MMP28: variants seen among roughly 807,000 people sequenced by gnomAD.
MMP28 encodes the protein matrix metallopeptidase 28, also known as matrix metalloproteinase-28.
MMP28 carries 55 observed loss-of-function variants against 60.5 expected under a neutral mutation model. The ratio of observed to expected loss-of-function variants is 0.91; its 90% CI spans 0.73 to 1.14. The LOEUF (loss-of-function observed/expected upper bound fraction) is 1.14, where lower values mean the gene tolerates loss of function less well. Ranked by LOEUF, MMP28 falls within the 50% of genes most tolerant of loss-of-function variation. The pLI is 0.00. For missense variants in MMP28, 686 were observed against 738.3 expected, an observed-to-expected ratio of 0.93 and a Z score of 0.82; for synonymous variants, 318 against 312.5, an observed-to-expected ratio of 1.02 and a Z score of -0.18.
In MMP28 at chr17:35,795,572, G is replaced by C. The variant is rs999377826; in HGVS notation, c.-195C>G. 3 of 395,834 alleles carry C rather than the reference G, an allele frequency of 7.6e-6. No homozygotes were observed. Among genetic ancestry groups the C allele is most frequent in the Non-Finnish European group, 1.3e-5 (3 of 226,316 alleles). The allele number at this position is 395,834 out of a possible 1,614,324, so 24.5% of individuals were successfully genotyped here. A position where few individuals can be genotyped will look rare whatever the true frequency, so the allele number is the denominator to read the frequency against. ...CCTCCGCTGCCCTTCGCCGGGAGCC[G>C]GCCAGACGTCGTCCAGCCCGGGCAG... On this transcript the variant is annotated 5_prime_UTR_variant, in exon 1 of 8. Transcript: ENST00000605424.
chr17:35,770,011 A>G (rs577670345), intron 5 of MMP28, 56 bp downstream of exon 5: 77 of 1,489,662 alleles, frequency 5.2e-5, no homozygotes, highest in Non-Finnish European at 6.8e-5. Context: ...GTTCAAGGAC[A>G]GGAGGCCTTG....
intron 2 of MMP28, among the ~76,000 whole-genome samples, chr17:35,756,759 C>T (rs952140069): frequency 2.0e-5 from 3 of 151,986 alleles, no homozygotes; most frequent in Non-Finnish European, 4.4e-5. Flanking sequence ...TGAGCCACTG[C>T]GCCCGGCCTA....
rs774249689 is a variant in MMP28, at chr17:35,766,753, C to A, written c.1310G>T (p.Arg437Leu). Reference sequence around the variant, plus strand: ...TCCCCCTCGGGCCAGCACGTAGTAGCGGGCACCCTTGAAGAGGATGAGGCG... The same window carrying A: ...TCCCCCTCGGGCCAGCACGTAGTAGAGGGCACCCTTGAAGAGGATGAGGCG... ...LRRLILFKGA[R>L]YYVLARGGLQ... Residue 437 changes from arginine to leucine, a missense_variant, in exon 8 of 8, where the codon CGC (arginine) becomes CTC (leucine). By Grantham distance (102) the Arg-to-Leu change is moderately radical. Transcript: ENST00000605424. This position sits in a 1 kb window ranked among gnomAD's most constrained non-coding sequence, Gnocchi z 4.3. 8 of 1,584,440 alleles carry A rather than the reference C, an allele frequency of 5.0e-6. No homozygotes were observed. Among genetic ancestry groups the A allele is most frequent in the Non-Finnish European group, 6.9e-6 (8 of 1,166,362 alleles).
chr17:35,761,097 G>A (rs2085808091), downstream of MMP28: 1 of 608,920 alleles, frequency 1.6e-6, no homozygotes, highest in Non-Finnish European at 2.5e-6. Flanking sequence ...TCGCCTTCCT[G>A]AATTTTTTTT....
At chr17:35,764,275 C>G (rs777220968), downstream of MMP28, 16 of 1,535,404 alleles carry the variant, frequency 1.0e-5, no homozygotes, top group Non-Finnish European at 1.4e-5. Flanking sequence ...GCTTCTGGGG[C>G]TGGCTCGGCC....
chr17:35,781,544 G>A (rs1480357219), intron 1 of MMP28, among the ~76,000 whole-genome samples: 1 of 152,176 alleles, frequency 6.6e-6, no homozygotes, highest in Non-Finnish European at 1.5e-5. Flanking sequence ...TGTTCTCTCA[G>A]TAATCAAGTT....
intron 4 of MMP28, among the ~76,000 whole-genome samples, chr17:35,771,214 C>G (rs57488240): frequency 6.6e-6 from 1 of 151,986 alleles, no homozygotes; most frequent in Non-Finnish European, 1.5e-5. Context: ...GGGTGGATCA[C>G]GAGGTCAAGA....
At chr17:35,767,150 T>C (rs985898205) in intron 7 of MMP28, 4 of 692,514 alleles carry the variant, frequency 5.8e-6, no homozygotes, top group South Asian at 3.0e-5. Context: ...GCCCAGAGCT[T>C]TCTCCACTGC....
chr17:35,763,778 T>C (rs1240855012), downstream of MMP28, among the ~76,000 whole-genome samples: 1 of 151,832 alleles, frequency 6.6e-6, no homozygotes, highest in Non-Finnish European at 1.5e-5. Context: ...GTGCCTGTAG[T>C]CCCAGCTACT....
chr17:35,790,060 C>CTTTTT (rs56405134), intron 1 of MMP28, among the ~76,000 whole-genome samples: 38 of 66,934 alleles, frequency 5.7e-4, no homozygotes, highest in African/African-American at 1.1e-3. Context: ...CCGCACCTGG[C>CTTTTT]TTTTTTTTTT....
Position 35,766,380 on chromosome 17 carries a change from C to T in MMP28, c.*120G>A, listed in dbSNP as rs1339969235. 4 of 1,425,170 alleles carry T rather than the reference C, an allele frequency of 2.8e-6. No homozygotes were observed. The highest frequency in any genetic ancestry group is 1.4e-5 in the African/African-American group (1 of 69,564). The allele number at this position is 1,425,170 out of a possible 1,614,324, so 88.3% of individuals were successfully genotyped here. ...AGGCAGACAGACTTCCAGATGGAGG[C>T]TTTGCTGCCCGGTCTTCTGCAGAGG... On this transcript the variant is annotated 3_prime_UTR_variant, in exon 8 of 8. Transcript: ENST00000605424. This position sits in a 1 kb window ranked among gnomAD's most constrained non-coding sequence, Gnocchi z 4.3.
chr17:35,790,266 T>C (rs1056264647), intron 1 of MMP28, among the ~76,000 whole-genome samples: 3 of 152,020 alleles, frequency 2.0e-5, no homozygotes, highest in Non-Finnish European at 1.5e-5. Flanking sequence ...GGTTTCACCA[T>C]GTTGGTCAGG....
intron 1 of MMP28, among the ~76,000 whole-genome samples, chr17:35,784,185 G>A (rs1555609990): frequency 6.6e-6 from 1 of 151,946 alleles, no homozygotes; most frequent in Admixed American, 6.6e-5. Flanking sequence ...GGGAGGCTGA[G>A]GCAGGAGAAT....
intron 1 of MMP28, among the ~76,000 whole-genome samples, chr17:35,795,046 C>A (rs2086927658): frequency 6.6e-6 from 1 of 152,250 alleles, no homozygotes; most frequent in African/African-American, 2.4e-5. Flanking sequence ...GTCTCTGCAC[C>A]CACCCCAGCC....
chr17:35,789,658 A>G (rs983854278), intron 1 of MMP28, among the ~76,000 whole-genome samples: 1 of 151,920 alleles, frequency 6.6e-6, no homozygotes, highest in Admixed American at 6.6e-5. Context: ...GTAATTTAGG[A>G]GTGTGTTGTT....
At chr17:35,762,817 A>G (rs2085847521), downstream of MMP28, among the ~76,000 whole-genome samples, 1 of 152,102 alleles carries the variant, frequency 6.6e-6, no homozygotes, top group Admixed American at 6.6e-5. Context: ...TATTCTGTAA[A>G]TAACCACCTA....
chr17:35,773,829 G>A (rs2086245147), intron 3 of MMP28, among the ~76,000 whole-genome samples: 2 of 152,196 alleles, frequency 1.3e-5, no homozygotes, highest in South Asian at 2.1e-4. Flanking sequence ...CAGTGTCAGA[G>A]TGGAGGAGAG....
At chr17:35,779,399 T>G (rs1555608743) in intron 1 of MMP28, 76 bp from the exon 2 acceptor site, 1 of 1,200,168 alleles carries the variant, frequency 8.3e-7, no homozygotes, top group Non-Finnish European at 1.2e-6. Context: ...CCAGGGCACA[T>G]ACATCCTGCC....
At chr17:35,762,004 T>C (rs1555601620), downstream of MMP28, among the ~76,000 whole-genome samples, 1 of 152,178 alleles carries the variant, frequency 6.6e-6, no homozygotes, top group Non-Finnish European at 1.5e-5. Context: ...TTTTTTCTTT[T>C]TTTGAGACGG....
Sources: allele counts gnomAD v4.1 joint callset (sites outside exome capture counted in the v4.1 genomes callset), GRCh38; gene constraint gnomAD v4.1.1; non-coding constraint Gnocchi (gnomAD v3.1); transcripts MANE v1.5; gene names NCBI Gene and HGNC (gene_info 2026-07-23, HGNC 2026-07-21).